PRR5: variants seen among roughly 807,000 people sequenced by gnomAD.
PRR5 encodes the protein proline-rich protein 5.
Under a neutral mutation model 30.6 loss-of-function variants are expected in PRR5, and 25 were observed. The ratio of observed to expected loss-of-function variants is 0.82; its 90% confidence interval spans 0.60 to 1.14. PRR5 has a LOEUF of 1.14. Ranked by LOEUF, PRR5 falls within the 50% of genes most tolerant of loss-of-function variation. The pLI is 0.00. For missense variants in PRR5, 600 were observed against 547.1 expected, an observed-to-expected ratio of 1.10 and a Z score of -0.96; for synonymous variants, 286 against 247.1, an observed-to-expected ratio of 1.16 and a Z score of -1.48.
intron 1 of PRR5, among the ~76,000 whole-genome samples, chr22:44,705,737 G>T (rs1927089257): frequency 6.6e-6 from 1 of 151,340 alleles, no homozygotes. Context: ...TGATTCTCCT[G>T]TCGCAGCCTC....
chr22:44,722,491 G>A (rs577975915), intron 2 of PRR5, among the ~76,000 whole-genome samples: 27 of 152,354 alleles, frequency 1.8e-4, no homozygotes, highest in South Asian at 6.2e-4. Flanking sequence ...GCACCTGAGT[G>A]CCGGTTCCCT....
intron 2 of PRR5, among the ~76,000 whole-genome samples, chr22:44,719,733 C>T (rs1397936880): frequency 6.6e-6 from 1 of 152,164 alleles, no homozygotes; most frequent in Admixed American, 6.5e-5. Context: ...CAGGTTAGCG[C>T]AGGAGTTCAT....
At chr22:44,732,473 T>C (rs779809414) in intron 6 of PRR5, 82 bp downstream of exon 6, 31 of 1,531,264 alleles carry the variant, frequency 2.0e-5, no homozygotes, top group Non-Finnish European at 2.6e-5. Flanking sequence ...GAGCATGAGA[T>C]GAGGATTTAG....
intron 1 of PRR5, among the ~76,000 whole-genome samples, chr22:44,696,703 A>G (rs1925774666): frequency 6.6e-6 from 1 of 151,534 alleles, no homozygotes; most frequent in South Asian, 2.1e-4. Context: ...TGTGGGACCA[A>G]GGAAGACATG....
intron 1 of PRR5, among the ~76,000 whole-genome samples, chr22:44,710,439 G>A (rs950976005): frequency 5.3e-5 from 8 of 152,210 alleles, no homozygotes; most frequent in African/African-American, 1.9e-4. Context: ...ATCTGGACAA[G>A]GGAGGTCATG....
At chr22:44,724,392 G>A (rs1269536165) in intron 2 of PRR5, among the ~76,000 whole-genome samples, 1 of 151,898 alleles carries the variant, frequency 6.6e-6, no homozygotes, top group East Asian at 1.9e-4. Context: ...TTGAGATTGT[G>A]CCACTGTACT....
chr22:44,668,974 G>T (rs976593404), intron 1 of PRR5, among the ~76,000 whole-genome samples: 1 of 151,294 alleles, frequency 6.6e-6, no homozygotes, highest in African/African-American at 2.4e-5. Context: ...GACGCCGACT[G>T]CGGGGCCCTA....
Position 44,732,200 on chromosome 22 carries a change from TGAG to T in PRR5, c.415-48_415-46del, listed in dbSNP as rs370336807. 4.6e-4 allele frequency: 740 copies of T among 1,595,694 alleles called. 1 individual carries two copies. The African/African-American group carries it at 7.4e-3, about 16-fold the overall frequency. Reference sequence around the variant, plus strand: ...GGTCCCAGGACCGGGAGAGGGGAGATGAGGACGCATGTGACCACAGCCGGTGGG... The same window carrying T: ...GGTCCCAGGACCGGGAGAGGGGAGATGACGCATGTGACCACAGCCGGTGGG... On this transcript the variant is annotated intron_variant, in intron 5 of 7. Coordinates refer to ENST00000336985, the MANE Select transcript of PRR5 (RefSeq NM_181333.4).
At chr22:44,689,278 C>A (rs1018384164) in intron 1 of PRR5, among the ~76,000 whole-genome samples, 1 of 152,126 alleles carries the variant, frequency 6.6e-6, no homozygotes, top group Non-Finnish European at 1.5e-5. Flanking sequence ...ACTCACGGGT[C>A]GTCTTTGGAG....
In PRR5 at chr22:44,702,392, G is replaced by T; in HGVS notation, c.-83G>T. Reference sequence around the variant, plus strand: ...GGAGTTTCCGCGTAGAGGGCGCATCGCCGGCCCGGGGCCCTTGGTGCGGCG... The same window carrying T: ...GGAGTTTCCGCGTAGAGGGCGCATCTCCGGCCCGGGGCCCTTGGTGCGGCG... On this transcript the variant is annotated 5_prime_UTR_variant, in exon 1 of 8. Coordinates refer to ENST00000336985, the MANE Select transcript of PRR5 (RefSeq NM_181333.4). 8.2e-7 allele frequency: 1 copy of T among 1,213,404 alleles called. No individual in the cohort carries two copies. The allele number at this position is 1,213,404 out of a possible 1,614,324, so 75.2% of individuals were successfully genotyped here.
upstream of PRR5, among the ~76,000 whole-genome samples, chr22:44,697,436 G>C (rs552819034): frequency 6.6e-6 from 1 of 152,378 alleles, no homozygotes; most frequent in South Asian, 2.1e-4. Flanking sequence ...GGATGGCAGA[G>C]ACTGTGGGGA....
rs1465923261 is a variant in PRR5, at chr22:44,732,158, G to A, written c.415-93G>A. On this transcript the variant is annotated intron_variant, in intron 5 of 7. Coordinates refer to ENST00000336985, the MANE Select transcript of PRR5 (RefSeq NM_181333.4). Reference sequence around the variant, plus strand: ...GGTGGAGGGGCCTGAGGGTCGGCAGGTCTCTTCCCCCTGTGGGGTCCCAGG... The same window carrying A: ...GGTGGAGGGGCCTGAGGGTCGGCAGATCTCTTCCCCCTGTGGGGTCCCAGG... 15 of 1,558,276 alleles carry A rather than the reference G, an allele frequency of 9.6e-6. No individual in the cohort carries two copies. In the African/African-American group the frequency reaches 1.6e-4, roughly 17 times the overall value.
chr22:44,726,767 C>T lies in PRR5; in HGVS notation c.322+133C>T, dbSNP rs370142195. 258 of 1,368,218 alleles carry T rather than the reference C, an allele frequency of 1.9e-4. 2 individuals carry two copies. The African/African-American group carries it at 2.9e-3, about 16-fold the overall frequency. 84.8% of individuals were successfully genotyped at this position (1,368,218 alleles called of 1,614,324 possible). A position where few individuals can be genotyped will look rare whatever the true frequency, so the allele number is the denominator to read the frequency against. ...TGGTCCGGAGGGCTTGGAAGGAACA[C>T]GTATAGCCTTAGGGCAGCAGGGCCG... On this transcript the variant is annotated intron_variant, in intron 4 of 7. Transcript: ENST00000336985.
chr22:44,703,287 G>C (rs958292351), intron 1 of PRR5, among the ~76,000 whole-genome samples: 1 of 150,822 alleles, frequency 6.6e-6, no homozygotes, highest in Non-Finnish European at 1.5e-5. Flanking sequence ...TGAGAGGCAG[G>C]AGAAAGTGAG....
At chr22:44,677,012 C>A (rs181617661), upstream of PRR5, 3 of 152,278 alleles carry the variant, frequency 2.0e-5, no homozygotes, top group African/African-American at 7.2e-5. Flanking sequence ...GCTCCTGGGC[C>A]CCCTCTGCCC....
At chr22:44,675,762 G>GTTATTATTATTATTATTA (rs150864660), upstream of PRR5, among the ~76,000 whole-genome samples, 40 of 142,962 alleles carry the variant, frequency 2.8e-4, no homozygotes, top group African/African-American at 8.7e-4. Flanking sequence ...TGTTGCTGTT[G>GTTATTATTATTATTATTA]TTATTATTAT....
intron 1 of PRR5, among the ~76,000 whole-genome samples, chr22:44,685,184 G>A (rs529002922): frequency 2.6e-5 from 4 of 152,240 alleles, no homozygotes; most frequent in Admixed American, 2.0e-4. Context: ...AGATGGGTAC[G>A]CAGTGCCAGC....
chr22:44,731,463 T>C, intron 4 of PRR5: 1 of 539,784 alleles, frequency 1.9e-6, no homozygotes, highest in South Asian at 2.2e-5. Flanking sequence ...CCAAGTTCCC[T>C]GTGCCTTAGG....
intron 1 of PRR5, among the ~76,000 whole-genome samples, chr22:44,708,433 G>A (rs960920890): frequency 6.6e-6 from 1 of 152,060 alleles, no homozygotes; most frequent in Non-Finnish European, 1.5e-5. Context: ...GGGCCCTAAA[G>A]GACCTTGTCT....
Sources: allele counts gnomAD v4.1 joint callset (sites outside exome capture counted in the v4.1 genomes callset), GRCh38; gene constraint gnomAD v4.1.1; transcripts MANE v1.5; gene names NCBI Gene and HGNC (gene_info 2026-07-23, HGNC 2026-07-21).